TP53I13: variants seen among roughly 807,000 people sequenced by gnomAD.
TP53I13 encodes tumor protein p53-inducible protein 13.
A neutral mutation model predicts 39.1 loss-of-function variants in TP53I13; 27 were observed. The ratio of observed to expected loss-of-function variants is 0.69; its 90% CI spans 0.51 to 0.95. TP53I13 has a LOEUF of 0.95. Ranked by LOEUF, TP53I13 falls within the 40% of genes least tolerant of loss-of-function variation. TP53I13 has a pLI of 0.00. For synonymous variants in TP53I13, 230 were observed against 224.6 expected (o/e 1.02, Z -0.22); for missense variants, 544 against 520.4 (o/e 1.05, Z -0.44).
intron 3 of TP53I13, chr17:29,569,576 A>C: frequency 2.1e-6 from 1 of 479,056 alleles, no homozygotes. Flanking sequence ...TGTCATCTGC[A>C]ATGCTGTGTC....
chr17:29,572,068 C>CT lies in TP53I13; in HGVS notation c.513+12dup. On this transcript the variant is annotated intron_variant, in intron 5 of 6. Transcript: ENST00000301057. ...AGAGGGTGTGTGCAGGTGAGAGACG[C>CT]TGGGCCCAGGCTTGTTGGCCCTCGG... 1 of 1,612,946 alleles carries CT rather than the reference C, an allele frequency of 6.2e-7. No individual in the cohort carries two copies. The highest frequency in any genetic ancestry group is 8.5e-7 in the Non-Finnish European group (1 of 1,179,954).
At chr17:29,575,824 T>A, downstream of TP53I13, 2 of 1,612,698 alleles carry the variant, frequency 1.2e-6, no homozygotes, top group Non-Finnish European at 1.7e-6. This position sits in a 1 kb window ranked among gnomAD's most constrained non-coding sequence, Gnocchi z 5.5. Flanking sequence ...TGTGGCGGCT[T>A]CCCTCCTGGG....
At chr17:29,577,048 C>T, downstream of TP53I13, 2 of 1,607,354 alleles carry the variant, frequency 1.2e-6, no homozygotes, top group Non-Finnish European at 1.7e-6. Flanking sequence ...CAACCCATCT[C>T]TCAGGTCACC....
chr17:29,571,465 C>T (rs1462522555), intron 3 of TP53I13, 126 bp from the exon 4 acceptor site: 1 of 1,355,108 alleles, frequency 7.4e-7, no homozygotes, highest in East Asian at 2.4e-5. Context: ...TTTCCTGGGC[C>T]CTGAAGGTAG....
chr17:29,579,105 C>A, the TP53I13 span: 4 of 858,396 alleles, frequency 4.7e-6, no homozygotes, highest in South Asian at 4.3e-5. Context: ...GCACACCCGG[C>A]CCAGAAGGGA....
upstream of TP53I13, chr17:29,567,053 G>A: frequency 1.7e-6 from 2 of 1,147,530 alleles, no homozygotes; most frequent in Non-Finnish European, 1.1e-6. This position sits in a 1 kb window ranked among gnomAD's most constrained non-coding sequence, Gnocchi z 6.6. Context: ...TCCGCCCGCC[G>A]GCGGCGGCTG....
chr17:29,569,153 G>T, intron 2 of TP53I13, 67 bp downstream of exon 2: 2 of 1,520,454 alleles, frequency 1.3e-6, no homozygotes, highest in Non-Finnish European at 8.9e-7. Context: ...CTCTGTTCTC[G>T]CCGCACCCTC....
chr17:29,571,719 G>A lies in TP53I13; in HGVS notation c.312G>A (p.Arg104=), dbSNP rs1319182281. Residue 104 remains arginine, a splice_region_variant and synonymous_variant, in exon 4 of 7, where the codon CGG becomes CGA. Coordinates refer to ENST00000301057, the MANE Select transcript of TP53I13 (RefSeq NM_138349.4). ...LTPDFSLTQD[R]PLVLTAWGLA... is the part of the protein sequence containing the mutation. ...CTGACTTCAGCCTCACGCAGGATCG[G>A]GTATGTAGCTGATGAAAGGCGCTTG... The A allele has an allele frequency of 1.2e-6, 2 of 1,614,092 alleles. No homozygotes were observed. Among genetic ancestry groups the A allele is most frequent in the East Asian group, 2.2e-5 (1 of 44,894 alleles).
At chr17:29,568,156 G>A (rs921512372), upstream of TP53I13, 2 of 152,224 alleles carry the variant, frequency 1.3e-5, no homozygotes, top group African/African-American at 2.4e-5. The surrounding 1 kb of genome is among the most constrained non-coding windows in gnomAD (Gnocchi z 4.5). Context: ...AGGCTCCTCC[G>A]CGTTGGACCC....
At chr17:29,575,018 T>G, downstream of TP53I13, 1 of 1,483,336 alleles carries the variant, frequency 6.7e-7, no homozygotes, top group East Asian at 2.3e-5. This position sits in a 1 kb window ranked among gnomAD's most constrained non-coding sequence, Gnocchi z 5.5. Context: ...CAGATGGGAT[T>G]CTCCACGCCT....
In TP53I13 at chr17:29,568,990, G is replaced by T; in HGVS notation, c.73-28G>T. On this transcript the variant is annotated intron_variant, in intron 1 of 6. Transcript: ENST00000301057. This position sits in a 1 kb window ranked among gnomAD's most constrained non-coding sequence, Gnocchi z 4.5. ...AGGGCAGGGCCTCGCCGCGTCCAGC[G>T]CCCCAACTCTTCGCTTTGGACCCAC... 1 of 1,601,462 alleles carries T rather than the reference G, an allele frequency of 6.2e-7. No homozygotes were observed. Among genetic ancestry groups the T allele is most frequent in the Non-Finnish European group, 8.5e-7 (1 of 1,175,324 alleles).
chr17:29,581,026 G>A, the TP53I13 span: 430 of 359,748 alleles, frequency 1.2e-3, 2 homozygotes, highest in South Asian at 3.7e-3. This position sits in a 1 kb window ranked among gnomAD's most constrained non-coding sequence, Gnocchi z 4.8. Flanking sequence ...TGATCCGCCC[G>A]CCTCGGCCTC....
chr17:29,580,928 C>T, the TP53I13 span: 8 of 227,028 alleles, frequency 3.5e-5, no homozygotes, highest in Admixed American at 9.7e-5. Context: ...TACAGGCATG[C>T]GCCACCACGC....
At chr17:29,582,282 A>G in the TP53I13 span, 1 of 645,858 alleles carries the variant, frequency 1.5e-6, no homozygotes, top group African/African-American at 1.8e-5. Flanking sequence ...TCGGGAGGAC[A>G]GAGGCTTCCC....
chr17:29,569,277 T>TC, intron 2 of TP53I13, 41 bp from the exon 3 acceptor site: 1 of 1,605,562 alleles, frequency 6.2e-7, no homozygotes, highest in Non-Finnish European at 8.5e-7. Context: ...ACACACGGAG[T>TC]CCCCCAACTG....
At position 29,568,738 on chromosome 17, in the gene TP53I13, C is replaced by G; in HGVS notation, c.-21C>G. On this transcript the variant is annotated 5_prime_UTR_variant, in exon 1 of 7. Transcript: ENST00000301057. The surrounding 1 kb of genome is among the most constrained non-coding windows in gnomAD (Gnocchi z 4.5). ...GCTGGCGGAGCGGCTGGGCGGCGGGCCGGGCCCGGGGCCGCTTGGAATGGC... is the reference window on the plus strand; with the variant it reads ...GCTGGCGGAGCGGCTGGGCGGCGGGGCGGGCCCGGGGCCGCTTGGAATGGC... 1.3e-6 allele frequency: 2 copies of G among 1,499,376 alleles called. No homozygotes were observed. Among genetic ancestry groups the G allele is most frequent in the Non-Finnish European group, 1.8e-6 (2 of 1,132,686 alleles). The allele number at this position is 1,499,376 out of a possible 1,614,324, so 92.9% of individuals were successfully genotyped here. A position where few individuals can be genotyped will look rare whatever the true frequency, so the allele number is the denominator to read the frequency against.
chr17:29,566,806 C>T, upstream of TP53I13: 1 of 1,513,808 alleles, frequency 6.6e-7, no homozygotes, highest in Admixed American at 2.0e-5. Context: ...GTCCGCCGGG[C>T]CTCCGCCGTC....
Position 29,569,374 on chromosome 17 carries a change from G to A in TP53I13, c.183+15G>A. On this transcript the variant is annotated intron_variant, in intron 3 of 6. Coordinates refer to ENST00000301057, the MANE Select transcript of TP53I13 (RefSeq NM_138349.4). ...GCCCAGGGCAGGTGAGTACAAGCAGGGGCCCACCACCCTTGGTGTCCACGC... is the reference window on the plus strand; with the variant it reads ...GCCCAGGGCAGGTGAGTACAAGCAGAGGCCCACCACCCTTGGTGTCCACGC... 1.9e-6 allele frequency: 3 copies of A among 1,613,214 alleles called. No homozygotes were observed. The highest frequency in any genetic ancestry group is 2.2e-5 in the East Asian group (1 of 44,876).
At chr17:29,571,410 C>CAA in intron 3 of TP53I13, 181 bp from the exon 4 acceptor site, 5 of 722,090 alleles carry the variant, frequency 6.9e-6, no homozygotes, top group Non-Finnish European at 1.1e-5. Flanking sequence ...AAGGAACACT[C>CAA]AGAGGCAAGA....
Sources: allele counts gnomAD v4.1 joint callset, GRCh38; gene constraint gnomAD v4.1.1; non-coding constraint Gnocchi (gnomAD v3.1); transcripts MANE v1.5; gene names NCBI Gene and HGNC (gene_info 2026-07-23, HGNC 2026-07-21).